PDZD4: variants seen among roughly 807,000 people sequenced by gnomAD.
The protein encoded by PDZD4 is PDZ domain-containing protein 4.
A neutral mutation model predicts 38.5 loss-of-function variants in PDZD4; 9 were observed. That is an observed-to-expected ratio of 0.23 (90% confidence interval 0.14 to 0.41). The LOEUF (loss-of-function observed/expected upper bound fraction) is 0.41. Among genes scored for constraint, PDZD4 ranks in the 10% least tolerant of loss-of-function variants. The pLI, the probability that PDZD4 is intolerant of heterozygous loss-of-function variation, is 1.00. For missense variants in PDZD4, 612 were observed against 722.0 expected (o/e 0.85, Z 1.75); for synonymous variants, 349 against 315.7 (o/e 1.11, Z -1.12).
At chrX:153,822,544 C>T (rs1243043873) in intron 1 of PDZD4, among the ~76,000 whole-genome samples, 1 of 111,927 alleles carries the variant, frequency 8.9e-6, no homozygotes, top group Non-Finnish European at 1.9e-5. Context: ...GGCTGCTCAG[C>T]CTCGCCTCCT....
intron 1 of PDZD4, among the ~76,000 whole-genome samples, chrX:153,826,216 CAA>C (rs199601688): frequency 2.0e-4 from 8 of 39,025 alleles, no homozygotes; most frequent in African/African-American, 1.9e-4. Context: ...GACTGTGTCT[CAA>C]AAAAAAAAAA....
rs1381525936 is a variant in PDZD4, at chrX:153,803,272, C to T, written c.*81G>A. 2 of 828,014 alleles carry T rather than the reference C, an allele frequency of 2.4e-6. No homozygotes were observed. The highest frequency in any genetic ancestry group is 3.6e-5 in the East Asian group (1 of 27,676). 68.2% of individuals were successfully genotyped at this position (828,014 alleles called of 1,213,427 possible). A position where few individuals can be genotyped will look rare whatever the true frequency, so the allele number is the denominator to read the frequency against. Reference sequence around the variant, plus strand: ...GAGCACGCGCGCGCGCACACACACACACACACAATCTCTATAGGAGAGTGA... The same window carrying T: ...GAGCACGCGCGCGCGCACACACACATACACACAATCTCTATAGGAGAGTGA... On this transcript the variant is annotated 3_prime_UTR_variant, in exon 8 of 8. Transcript: ENST00000393758.
intron 1 of PDZD4, among the ~76,000 whole-genome samples, chrX:153,810,260 G>A (rs1408414600): frequency 8.9e-6 from 1 of 112,555 alleles, no homozygotes; most frequent in Non-Finnish European, 1.9e-5. Context: ...AAATGGCTAT[G>A]CCCCGCAGGT....
rs781896560 is a variant in PDZD4 at position 153,803,261 on chromosome X, G to GCACACACA, written c.*84_*91dup. On this transcript the variant is annotated 3_prime_UTR_variant, in exon 8 of 8. Coordinates refer to ENST00000393758, the MANE Select transcript of PDZD4 (RefSeq NM_001303512.2). ...GTGCGCACAGCGAGCACGCGCGCGC[G>GCACACACA]CACACACACACACACACAATCTCTA... 8 of 578,730 alleles carry GCACACACA rather than the reference G, an allele frequency of 1.4e-5. 1 individual carries two copies. In the South Asian group the frequency reaches 3.6e-4, roughly 26 times the overall value. The allele number at this position is 578,730 out of a possible 1,213,427, so 47.7% of individuals were successfully genotyped here.
Position 153,802,263 on chromosome X carries a change from T to A in PDZD4, c.*1090A>T, listed in dbSNP as rs1557074809. ...CCTCCAATCTGGGGCTCTCCAAGCCTAAGGGGCACCCCACAGGCAGCCTAG... is the reference window on the plus strand; with the variant it reads ...CCTCCAATCTGGGGCTCTCCAAGCCAAAGGGGCACCCCACAGGCAGCCTAG... On this transcript the variant is annotated 3_prime_UTR_variant, in exon 8 of 8. Transcript: ENST00000393758. 1 of 111,887 alleles carries A rather than the reference T, an allele frequency of 8.9e-6. No individual in the cohort carries two copies. The highest frequency in any genetic ancestry group is 3.2e-5 in the African/African-American group (1 of 30,773). 9.2% of individuals were successfully genotyped at this position (111,887 alleles called of 1,213,427 possible). A position where few individuals can be genotyped will look rare whatever the true frequency, so the allele number is the denominator to read the frequency against.
At chrX:153,829,407 A>G (rs1311717992) in intron 1 of PDZD4, 1 of 110,653 alleles carries the variant, frequency 9.0e-6, no homozygotes, top group Non-Finnish European at 1.9e-5. Context: ...ACCTCCCTCC[A>G]CTTAGCCCTA....
chrX:153,825,957 G>A lies in PDZD4; in HGVS notation c.60+4282C>T, dbSNP rs781994426. 6.6e-4 allele frequency among the ~76,000 whole-genome samples: 74 copies of A among 111,828 alleles called. 3 individuals carry two copies. The highest frequency in any genetic ancestry group is 1.1e-3 in the South Asian group (3 of 2,701). Reference sequence around the variant, plus strand: ...AGGGCCAGGAACGGTGGTTTACACCGGTAATCCCAGCACTTTGGGAGGCCG... The same window carrying A: ...AGGGCCAGGAACGGTGGTTTACACCAGTAATCCCAGCACTTTGGGAGGCCG... On this transcript the variant is annotated intron_variant, in intron 1 of 7. Coordinates refer to ENST00000393758, the MANE Select transcript of PDZD4 (RefSeq NM_001303512.2).
At chrX:153,805,437 C>T in intron 6 of PDZD4, 68 bp downstream of exon 6, 7 of 847,964 alleles carry the variant, frequency 8.3e-6, no homozygotes, top group Non-Finnish European at 1.0e-5. Context: ...GCCCTAGTCA[C>T]GGCCAGCAGC....
chrX:153,809,480 G>C (rs1037820549), intron 1 of PDZD4, among the ~76,000 whole-genome samples: 2 of 112,315 alleles, frequency 1.8e-5, no homozygotes, highest in East Asian at 5.6e-4. Context: ...CCAGCTCCTC[G>C]GGAGGCTGAG....
intron 7 of PDZD4, 29 bp downstream of exon 7, chrX:153,805,068 T>C (rs2092207406): frequency 8.4e-7 from 1 of 1,189,157 alleles, no homozygotes; most frequent in Admixed American, 2.2e-5. Flanking sequence ...CTCCTCGCCC[T>C]CCCCACCAGC....
At chrX:153,829,612 T>C (rs1168882775) in intron 1 of PDZD4, 2 of 560,559 alleles carry the variant, frequency 3.6e-6, no homozygotes, top group Non-Finnish European at 4.3e-6. Flanking sequence ...AGGTCCGAGC[T>C]CCGGGCCCCG....
chrX:153,813,966 A>T (rs970763146), intron 1 of PDZD4, among the ~76,000 whole-genome samples: 9 of 112,277 alleles, frequency 8.0e-5, no homozygotes, highest in African/African-American at 2.9e-4. Context: ...TTAAAATTTT[A>T]TATATTTCTG....
chrX:153,803,959 C>T lies in PDZD4; in HGVS notation c.1722G>A (p.Ser574=). The T allele has an allele frequency of 8.6e-7, 1 of 1,163,568 alleles. No homozygotes were observed. Among genetic ancestry groups the T allele is most frequent in the South Asian group, 1.9e-5 (1 of 52,362 alleles). Reference sequence around the variant, plus strand: ...CCTGGCCCTGGCCGCGGTGGCGCCGCGAGAGGTAAGGGCTGCTTTCAGGGC... The same window carrying T: ...CCTGGCCCTGGCCGCGGTGGCGCCGTGAGAGGTAAGGGCTGCTTTCAGGGC... ...RVGPESSPYL[S]RRHRGQGQEG... is the part of the protein sequence containing the mutation. The change falls in exon 8 of 8, where the codon TCG becomes TCA. Residue 574 remains serine (S), a synonymous_variant. Coordinates refer to ENST00000393758, the MANE Select transcript of PDZD4 (RefSeq NM_001303512.2).
intron 1 of PDZD4, among the ~76,000 whole-genome samples, chrX:153,816,603 C>T (rs1235877402): frequency 1.8e-5 from 2 of 111,391 alleles, no homozygotes; most frequent in African/African-American, 6.5e-5. Flanking sequence ...CAGAACACAC[C>T]CCCCATCCCG....
chrX:153,807,892 C>G, intron 2 of PDZD4: 1 of 982,182 alleles, frequency 1.0e-6, no homozygotes, highest in South Asian at 2.0e-5. Context: ...TGAGGCAGCG[C>G]TCACGCGGTC....
At chrX:153,816,266 C>T (rs903164095) in intron 1 of PDZD4, among the ~76,000 whole-genome samples, 1 of 108,277 alleles carries the variant, frequency 9.2e-6, no homozygotes, top group Non-Finnish European at 1.9e-5. Flanking sequence ...GCTCTCCCGC[C>T]CACAGATGAG....
In PDZD4 at chrX:153,803,242, A is replaced by G. The variant is rs939566904; in HGVS notation, c.*111T>C. ...CAGACGAGGAGATGTGTGCGTGCGC[A>G]CAGCGAGCACGCGCGCGCGCACACA... On this transcript the variant is annotated 3_prime_UTR_variant, in exon 8 of 8. Transcript: ENST00000393758. 106 of 541,546 alleles carry G rather than the reference A, an allele frequency of 2.0e-4. No homozygotes were observed. The highest frequency in any genetic ancestry group is 2.5e-4 in the Non-Finnish European group (95 of 381,361). 44.6% of individuals were successfully genotyped at this position (541,546 alleles called of 1,213,427 possible).
At chrX:153,808,703 C>T (rs1163772136) in intron 1 of PDZD4, 108 bp from the exon 2 acceptor site, 1 of 908,274 alleles carries the variant, frequency 1.1e-6, no homozygotes, top group Non-Finnish European at 1.5e-6. Flanking sequence ...ACCAGCACCC[C>T]AAGCCACTCA....
intron 1 of PDZD4, among the ~76,000 whole-genome samples, chrX:153,812,651 A>G (rs2064321400): frequency 9.0e-6 from 1 of 111,050 alleles, no homozygotes; most frequent in Non-Finnish European, 1.9e-5. Flanking sequence ...TGGACCCCCA[A>G]GGAAGAAATG....
Sources: gnomAD v4.1 joint callset for allele counts (sites outside exome capture counted in the v4.1 genomes callset) on GRCh38, gnomAD v4.1.1 for gene constraint, MANE v1.5 for transcripts, NCBI Gene and HGNC (gene_info 2026-07-23, HGNC 2026-07-21) for gene names.